Variants in ROPN1L observed in about 807,000 individuals in gnomAD.
ROPN1L encodes the protein ropporin-1-like protein.
A neutral mutation model predicts 22.7 loss-of-function variants in ROPN1L; 23 were observed. The ratio of observed to expected loss-of-function variants is 1.01; its 90% CI spans 0.73 to 1.43. The LOEUF is 1.43. Ranked by LOEUF, ROPN1L falls within the 40% of genes most tolerant of loss-of-function variation. ROPN1L has a pLI of 0.00. For missense variants in ROPN1L, 271 were observed against 291.5 expected (o/e 0.93, Z 0.51); for synonymous variants, 116 against 117.8 (o/e 0.98, Z 0.10).
At chr5:10,479,891 T>C in the ROPN1L span, among the ~76,000 whole-genome samples, 2 of 152,150 alleles carry the variant, frequency 1.3e-5, no homozygotes, top group Non-Finnish European at 2.9e-5. Flanking sequence ...ATTACAGGCA[T>C]GCGCCACCAC....
intron 1 of ROPN1L, among the ~76,000 whole-genome samples, chr5:10,445,681 T>A (rs1272638245): frequency 6.6e-6 from 1 of 152,094 alleles, no homozygotes; most frequent in Admixed American, 6.5e-5. Context: ...ATCCCTACAT[T>A]TTGGGAGGAC....
At chr5:10,473,420 G>T (rs190254301), downstream of ROPN1L, among the ~76,000 whole-genome samples, 1 of 152,290 alleles carries the variant, frequency 6.6e-6, no homozygotes, top group Non-Finnish European at 1.5e-5. Context: ...GAGGAATGCT[G>T]CCATCACTAA....
At chr5:10,466,134 A>G (rs1735149893), downstream of ROPN1L, among the ~76,000 whole-genome samples, 1 of 152,164 alleles carries the variant, frequency 6.6e-6, no homozygotes, top group Admixed American at 6.5e-5. Flanking sequence ...CAATGAATAC[A>G]TTTCAGGTTA....
chr5:10,475,613 A>C (rs1043842934), downstream of ROPN1L, among the ~76,000 whole-genome samples: 1 of 152,248 alleles, frequency 6.6e-6, no homozygotes. Flanking sequence ...ATAAAATAAA[A>C]TATAAAAATA....
At chr5:10,464,441 CTTCTT>C (rs1225311487) in intron 4 of ROPN1L, among the ~76,000 whole-genome samples, 18 of 152,252 alleles carry the variant, frequency 1.2e-4, no homozygotes, top group Admixed American at 1.2e-3. Context: ...CACCTCTTCT[CTTCTT>C]TTGTGCTCTC....
chr5:10,449,453 A>C (rs1741183932), intron 2 of ROPN1L, among the ~76,000 whole-genome samples: 1 of 152,194 alleles, frequency 6.6e-6, no homozygotes, highest in Non-Finnish European at 1.5e-5. Context: ...TGGGAGGTGG[A>C]GGTTGCAGTG....
chr5:10,465,715 G>C (rs536922452), downstream of ROPN1L, among the ~76,000 whole-genome samples: 1 of 151,558 alleles, frequency 6.6e-6, no homozygotes, highest in Non-Finnish European at 1.5e-5. Context: ...AGCCAGGCGT[G>C]GCGGTGGGCA....
At chr5:10,452,643 A>G (rs182564919) in intron 3 of ROPN1L, among the ~76,000 whole-genome samples, 3 of 152,186 alleles carry the variant, frequency 2.0e-5, no homozygotes, top group African/African-American at 7.2e-5. Context: ...CGGCCCTGAA[A>G]TCGATATGTT....
intron 3 of ROPN1L, 85 bp from the exon 4 acceptor site, chr5:10,461,099 G>T: frequency 8.0e-7 from 1 of 1,246,164 alleles, no homozygotes; most frequent in African/African-American, 1.5e-5. Flanking sequence ...ATATGCTAGA[G>T]TGTTGATTCT....
chr5:10,461,466 C>T lies in ROPN1L; in HGVS notation c.593+107C>T, dbSNP rs11951847. ...CTCAGTTTTTCCTTTGCTCTCTCACCACAACAATAATCAACACAGAAGACT... is the reference window on the plus strand; with the variant it reads ...CTCAGTTTTTCCTTTGCTCTCTCACTACAACAATAATCAACACAGAAGACT... On this transcript the variant is annotated intron_variant, in intron 4 of 4. Coordinates refer to ENST00000274134, the MANE Select transcript of ROPN1L (RefSeq NM_031916.5). The T allele has an allele frequency of 4.5e-3, 4,320 of 957,184 alleles. 113 individuals carry two copies. In the African/African-American group the frequency reaches 0.056, roughly 12 times the overall value. The allele number at this position is 957,184 out of a possible 1,614,324, so 59.3% of individuals were successfully genotyped here.
chr5:10,459,024 G>A (rs1734946274), intron 3 of ROPN1L, among the ~76,000 whole-genome samples: 1 of 146,932 alleles, frequency 6.8e-6, no homozygotes, highest in South Asian at 2.2e-4. Flanking sequence ...TCCTCCGTGA[G>A]CGCTAGGCCT....
At chr5:10,463,588 C>T (rs1250182440) in intron 4 of ROPN1L, among the ~76,000 whole-genome samples, 2 of 152,164 alleles carry the variant, frequency 1.3e-5, no homozygotes, top group Admixed American at 6.5e-5. Context: ...GGGACCACTG[C>T]CCCCCAAGTG....
At chr5:10,482,474 C>T in the ROPN1L span, among the ~76,000 whole-genome samples, 87 of 152,290 alleles carry the variant, frequency 5.7e-4, no homozygotes, top group African/African-American at 2.0e-3. Flanking sequence ...ACATCAATGT[C>T]ATGTACATTT....
At chr5:10,445,272 A>G (rs985007485) in intron 1 of ROPN1L, among the ~76,000 whole-genome samples, 1 of 152,192 alleles carries the variant, frequency 6.6e-6, no homozygotes, top group Non-Finnish European at 1.5e-5. Flanking sequence ...CGCCTGACCA[A>G]GAACAATTTG....
chr5:10,467,014 C>T (rs368327123), downstream of ROPN1L, among the ~76,000 whole-genome samples: 3 of 152,046 alleles, frequency 2.0e-5, no homozygotes, highest in African/African-American at 7.2e-5. Flanking sequence ...GTTTTAGGGC[C>T]CATGCTAATG....
intron 2 of ROPN1L, among the ~76,000 whole-genome samples, chr5:10,448,731 C>G (rs558915602): frequency 1.3e-5 from 2 of 152,214 alleles, no homozygotes; most frequent in Non-Finnish European, 2.9e-5. Context: ...AGTCCGTTCT[C>G]CAGGTGTGTG....
At chr5:10,451,815 G>A (rs1364502125) in intron 3 of ROPN1L, among the ~76,000 whole-genome samples, 1 of 152,230 alleles carries the variant, frequency 6.6e-6, no homozygotes, top group Non-Finnish European at 1.5e-5. Flanking sequence ...GCAAGGACAG[G>A]TGCAGATGGC....
intron 4 of ROPN1L, among the ~76,000 whole-genome samples, chr5:10,470,503 G>T (rs16884772): frequency 6.6e-6 from 1 of 152,142 alleles, no homozygotes; most frequent in Non-Finnish European, 1.5e-5. Flanking sequence ...CCATTTCCCC[G>T]TTCTGGCTTT....
Position 10,451,138 on chromosome 5 carries a change from C to T in ROPN1L, c.417+1025C>T, listed in dbSNP as rs114793453. Among the ~76,000 whole-genome samples, 469 of 152,320 alleles carry T rather than the reference C, an allele frequency of 3.1e-3. 3 individuals carry two copies. The highest frequency in any genetic ancestry group is 0.011 in the African/African-American group (450 of 41,568). Reference sequence around the variant, plus strand: ...ACATAGATGAACAATTTGATTTTCCCCCCTCCCTTCAGTCTGTGGCCCCAG... The same window carrying T: ...ACATAGATGAACAATTTGATTTTCCTCCCTCCCTTCAGTCTGTGGCCCCAG... On this transcript the variant is annotated intron_variant, in intron 3 of 4. Transcript: ENST00000274134.
Sources: gnomAD v4.1 joint callset for allele counts (sites outside exome capture counted in the v4.1 genomes callset) on GRCh38, gnomAD v4.1.1 for gene constraint, MANE v1.5 for transcripts, NCBI Gene and HGNC (gene_info 2026-07-23, HGNC 2026-07-21) for gene names.